The following ABCA13 variants were observed in gnomAD, a reference collection of about 807,000 sequenced individuals.
ABCA13 encodes the protein ATP-binding cassette sub-family A member 13.
A neutral mutation model predicts 478.7 loss-of-function variants in ABCA13; 476 were observed. That is an observed-to-expected ratio of 0.99 (90% CI 0.92 to 1.07). The LOEUF is 1.07. ABCA13 is among the 50% of genes least tolerant of loss of function. The probability of loss-of-function intolerance (pLI) is 0.00; values close to 1 mark genes in which losing one functional copy is unlikely to be tolerated. For missense variants in ABCA13, 6,060 were observed against 5,910.6 expected (o/e 1.03, Z -0.83); for synonymous variants, 2,252 against 2,158.9 (o/e 1.04, Z -1.20).
At chr7:48,632,456 G>A (rs776691363) in intron 59 of ABCA13, among the ~76,000 whole-genome samples, 1 of 151,742 alleles carries the variant, frequency 6.6e-6, no homozygotes, top group Non-Finnish European at 1.5e-5. Flanking sequence ...TGTTGTTTGT[G>A]GTTTTCGTGT....
chr7:48,506,334 A>G lies in ABCA13; in HGVS notation c.13292-2A>G, dbSNP rs1831207320. 1 of 1,613,738 alleles carries G rather than the reference A, an allele frequency of 6.2e-7. No individual in the cohort carries two copies. Among genetic ancestry groups the G allele is most frequent in the Non-Finnish European group, 8.5e-7 (1 of 1,179,710 alleles). On this transcript the variant is annotated splice_acceptor_variant, in intron 48 of 61. Transcript: ENST00000435803. LOFTEE classifies it high-confidence loss of function. ...GCTCACTTTTCAATTTGTCTTTCAC[A>G]GGAATAACACTCTACAGCCACCCAT...
intron 48 of ABCA13, among the ~76,000 whole-genome samples, chr7:48,497,111 A>T (rs1221888472): frequency 1.3e-5 from 2 of 151,690 alleles, no homozygotes; most frequent in Admixed American, 6.6e-5. Context: ...CTCTTTCCTG[A>T]GTCTCATTTT....
chr7:48,413,623 A>G (rs756518969), intron 41 of ABCA13, among the ~76,000 whole-genome samples: 86 of 152,192 alleles, frequency 5.7e-4, no homozygotes, highest in Non-Finnish European at 6.9e-4. Context: ...TGCAAAAGTC[A>G]AAGTCTGAAC....
intron 48 of ABCA13, among the ~76,000 whole-genome samples, chr7:48,491,826 G>C (rs903692403): frequency 7.9e-5 from 12 of 152,168 alleles, no homozygotes; most frequent in African/African-American, 2.9e-4. Context: ...AGAACTATTA[G>C]CTTAATACTT....
In ABCA13 at chr7:48,278,568, C is replaced by T. The variant is rs768775427; in HGVS notation, c.7374C>T (p.Phe2458=). The change falls in exon 18 of 62, where the codon TTC becomes TTT. Residue 2458 remains phenylalanine, a synonymous_variant. Coordinates refer to ENST00000435803, the MANE Select transcript of ABCA13 (RefSeq NM_152701.5). ...VILANLTDLL[F]FINNSFPLRN... ...TTGCTAATCTAACGGATTTGCTTTTCTTTATAAATAATTCATTCCCTCTAA... is the reference window on the plus strand; with the variant it reads ...TTGCTAATCTAACGGATTTGCTTTTTTTTATAAATAATTCATTCCCTCTAA... 1.2e-6 allele frequency: 2 copies of T among 1,613,890 alleles called. No individual in the cohort carries two copies. Among genetic ancestry groups the T allele is most frequent in the South Asian group, 2.2e-5 (2 of 91,068 alleles).
At chr7:48,623,592 G>A (rs1400026162) in intron 59 of ABCA13, among the ~76,000 whole-genome samples, 1 of 152,184 alleles carries the variant, frequency 6.6e-6, no homozygotes, top group African/African-American at 2.4e-5. Flanking sequence ...TCCTAGGCCT[G>A]ACAGTGTGGG....
At chr7:48,189,864 G>T (rs1389098134) in intron 1 of ABCA13, among the ~76,000 whole-genome samples, 1 of 152,140 alleles carries the variant, frequency 6.6e-6, no homozygotes, top group Non-Finnish European at 1.5e-5. Context: ...CATAAGCCAT[G>T]AAAAGGCTGA....
At chr7:48,335,750 T>G (rs541173922) in intron 28 of ABCA13, among the ~76,000 whole-genome samples, 3 of 152,374 alleles carry the variant, frequency 2.0e-5, no homozygotes, top group East Asian at 1.9e-4. Context: ...TGAGAATGAT[T>G]AATAATTTAA....
chr7:48,435,126 C>T (rs536673645), intron 42 of ABCA13, among the ~76,000 whole-genome samples: 13 of 151,832 alleles, frequency 8.6e-5, no homozygotes, highest in African/African-American at 3.1e-4. Flanking sequence ...TTAAGTTTTC[C>T]AATCCATGAA....
chr7:48,622,765 C>T (rs1235792080), intron 59 of ABCA13, among the ~76,000 whole-genome samples: 1 of 152,144 alleles, frequency 6.6e-6, no homozygotes, highest in African/African-American at 2.4e-5. Context: ...GCTGTAAGTG[C>T]TTTATACACA....
At chr7:48,328,354 T>C (rs1355639509) in intron 27 of ABCA13, among the ~76,000 whole-genome samples, 1 of 152,202 alleles carries the variant, frequency 6.6e-6, no homozygotes, top group Non-Finnish European at 1.5e-5. Context: ...GAAAGCAAGT[T>C]GTCCGTGGTT....
At chr7:48,414,478 C>T (rs2129102439) in intron 41 of ABCA13, among the ~76,000 whole-genome samples, 1 of 151,526 alleles carries the variant, frequency 6.6e-6, no homozygotes, top group African/African-American at 2.4e-5. Flanking sequence ...TGAACCTTTC[C>T]AAAGATTCAT....
At position 48,313,233 on chromosome 7, in the gene ABCA13, T is replaced by C; in HGVS notation, c.9681+2T>C. The C allele has an allele frequency of 6.2e-7, 1 of 1,606,900 alleles. No homozygotes were observed. Among genetic ancestry groups the C allele is most frequent in the Non-Finnish European group, 8.5e-7 (1 of 1,176,516 alleles). On this transcript the variant is annotated splice_donor_variant, in intron 25 of 61. Transcript: ENST00000435803. LOFTEE classifies it high-confidence loss of function. ...CTAGAAACCCTGGACTTTCAACAGG[T>C]GTGTGTTTCATCTTTGTCCCTAGGG...
In ABCA13 at chr7:48,275,913, A is replaced by G; in HGVS notation, c.6247A>G (p.Asn2083Asp). The G allele has an allele frequency of 6.2e-7, 1 of 1,613,728 alleles. No individual in the cohort carries two copies. The change falls in exon 17 of 62, where the codon AAC becomes GAC. Residue 2083 changes from asparagine (N) to aspartate (D), a missense_variant. Physicochemically the swap from Asn to Asp is conservative, Grantham distance 23. Around this residue, in one of 3 missense-constraint regions of ABCA13, gnomAD observed 4,423 missense variants for 4,309.1 expected, o/e 1.03. Transcript: ENST00000435803. Reference sequence around the variant, plus strand: ...AATCAGACACCTGCTTTCTGAAATGAACAAAGGAATCAAAAGTATAAATTC... The same window carrying G: ...AATCAGACACCTGCTTTCTGAAATGGACAAAGGAATCAAAAGTATAAATTC... ...FRIRHLLSEM[N>D]KGIKSINSMA...
Position 48,248,257 on chromosome 7 carries a change from G to T in ABCA13, c.1678G>T (p.Val560Phe). ...VEDADRILQE[V>F]ITWHKNMSVL... ...TGTTAAGGATCGTATTTTGCAAGAG[G>T]TCATTACTTGGCACAAAAATATGTC... Residue 560 changes from valine to phenylalanine, a missense_variant, in exon 14 of 62, where the codon GTC becomes TTC. Val to Phe is a conservative substitution (Grantham distance 50). Coordinates refer to ENST00000435803, the MANE Select transcript of ABCA13 (RefSeq NM_152701.5). 6.2e-7 allele frequency: 1 copy of T among 1,613,454 alleles called. No homozygotes were observed. The highest frequency in any genetic ancestry group is 8.5e-7 in the Non-Finnish European group (1 of 1,179,552).
intron 50 of ABCA13, among the ~76,000 whole-genome samples, chr7:48,510,674 T>C (rs978617990): frequency 6.6e-6 from 1 of 152,180 alleles, no homozygotes; most frequent in African/African-American, 2.4e-5. Context: ...GCAGGGTTGA[T>C]TCCTTCTGAG....
In ABCA13 at chr7:48,293,246, C is replaced by T. The variant is rs1484340738; in HGVS notation, c.8956-2454C>T. ...CTACCTCAGCTCTGCTGGGGGGCTC[C>T]ATCTTGGGGCGGCCTCCAGAGCTTA... is the stretch of plus-strand genomic sequence containing the variant. On this transcript the variant is annotated intron_variant, in intron 20 of 61. Transcript: ENST00000435803. Among the ~76,000 whole-genome samples the T allele has an allele frequency of 1.0e-4, 15 of 144,770 alleles. 1 individual carries two copies. The highest frequency in any genetic ancestry group is 3.2e-4 in the African/African-American group (13 of 40,178). 95.0% of individuals were successfully genotyped at this position (144,770 alleles called of 152,430 possible).
At position 48,587,296 on chromosome 7, in the gene ABCA13, G is replaced by A. The variant is rs575438867; in HGVS notation, c.14640+8G>A. Reference sequence around the variant, plus strand: ...CCTGACATTCTTTTATTGGTGAGTAGAAGAATGTCAATATCTTGGAGTAAG... The same window carrying A: ...CCTGACATTCTTTTATTGGTGAGTAAAAGAATGTCAATATCTTGGAGTAAG... On this transcript the variant is annotated splice_region_variant and intron_variant, in intron 57 of 61. Transcript: ENST00000435803. The A allele has an allele frequency of 6.3e-7, 1 of 1,596,542 alleles. No homozygotes were observed. Among genetic ancestry groups the A allele is most frequent in the Middle Eastern group, 1.7e-4 (1 of 6,024 alleles).
intron 42 of ABCA13, among the ~76,000 whole-genome samples, chr7:48,434,642 GC>G (rs1440590935): frequency 4.0e-5 from 6 of 151,808 alleles, no homozygotes; most frequent in Admixed American, 2.0e-4. Flanking sequence ...TATAGTTTTA[GC>G]TTTTACATTA....
Sources: gnomAD v4.1 joint callset for allele counts (sites outside exome capture counted in the v4.1 genomes callset) on GRCh38, gnomAD v4.1.1 for gene constraint, gnomAD v4.1.1 regional missense constraint, MANE v1.5 for transcripts, NCBI Gene and HGNC (gene_info 2026-07-23, HGNC 2026-07-21) for gene names.